The following HDAC9 variants were observed in gnomAD, a reference collection of about 807,000 sequenced individuals.
HDAC9 encodes histone deacetylase 9.
In HDAC9, 41 loss-of-function variants were observed where a neutral mutation model predicts 139.4. That is an observed-to-expected ratio of 0.29 (90% CI 0.23 to 0.38). The LOEUF (loss-of-function observed/expected upper bound fraction) is 0.38, where lower values mean the gene tolerates loss of function less well. Ranked by LOEUF, HDAC9 falls within the 10% of genes least tolerant of loss-of-function variation. The pLI, the probability that HDAC9 is intolerant of heterozygous loss-of-function variation, is 1.00. For missense variants in HDAC9, 1,147 were observed against 1,297.0 expected (o/e 0.88, Z 1.78); for synonymous variants, 517 against 476.2 (o/e 1.09, Z -1.12).
intron 1 of HDAC9, among the ~76,000 whole-genome samples, chr7:18,362,352 T>A (rs1783847212): frequency 1.3e-5 from 2 of 152,190 alleles, no homozygotes; most frequent in Non-Finnish European, 2.9e-5. Context: ...TTTTCTATTA[T>A]CTTTGTAGAA....
chr7:18,299,088 G>A (rs1013155154), intron 1 of HDAC9, among the ~76,000 whole-genome samples: 1 of 152,064 alleles, frequency 6.6e-6, no homozygotes, highest in Admixed American at 6.6e-5. Context: ...AATGAATTAA[G>A]ATGACAGTAA....
At chr7:18,600,585 T>C (rs1271494515) in intron 6 of HDAC9, among the ~76,000 whole-genome samples, 1 of 152,200 alleles carries the variant, frequency 6.6e-6, no homozygotes, top group Non-Finnish European at 1.5e-5. Context: ...GTCAAAGATA[T>C]ATTTGTGTGG....
chr7:18,379,479 C>T (rs1223762929), intron 1 of HDAC9, among the ~76,000 whole-genome samples: 1 of 152,152 alleles, frequency 6.6e-6, no homozygotes, highest in East Asian at 1.9e-4. Context: ...TTGCACTATT[C>T]TGTCTCTAAA....
chr7:18,538,510 T>C (rs994387468), intron 2 of HDAC9, among the ~76,000 whole-genome samples: 5 of 152,198 alleles, frequency 3.3e-5, no homozygotes, highest in Non-Finnish European at 7.4e-5. Flanking sequence ...TTGAATTTTA[T>C]TTTTACCCCT....
intron 21 of HDAC9, among the ~76,000 whole-genome samples, chr7:18,860,855 AG>A (rs1330139681): frequency 6.6e-6 from 1 of 152,170 alleles, no homozygotes; most frequent in Admixed American, 6.6e-5. Flanking sequence ...AAGAATCAGT[AG>A]TTCTAGTGCA....
At chr7:18,957,137 AAC>A (rs2129326375) in intron 24 of HDAC9, among the ~76,000 whole-genome samples, 1 of 152,256 alleles carries the variant, frequency 6.6e-6, no homozygotes, top group South Asian at 2.1e-4. Context: ...AAGGAAAGAA[AAC>A]ACAAGATCGG....
At chr7:18,667,246 T>C in intron 12 of HDAC9, 1 of 985,244 alleles carries the variant, frequency 1.0e-6, no homozygotes, top group Non-Finnish European at 1.2e-6. Flanking sequence ...ATGCAAATGT[T>C]AGTGAGAAGT....
intron 17 of HDAC9, among the ~76,000 whole-genome samples, chr7:18,809,445 G>A (rs987223899): frequency 6.6e-6 from 1 of 151,970 alleles, no homozygotes; most frequent in Non-Finnish European, 1.5e-5. Context: ...TATATGATAA[G>A]AGGTTAATGT....
intron 1 of HDAC9, among the ~76,000 whole-genome samples, chr7:18,091,004 T>G (rs962052628): frequency 6.6e-6 from 1 of 152,246 alleles, no homozygotes; most frequent in Non-Finnish European, 1.5e-5. Context: ...ATTATTACAC[T>G]TAACAGTGGA....
At chr7:18,724,041 T>C (rs1272344617) in intron 12 of HDAC9, among the ~76,000 whole-genome samples, 1 of 152,202 alleles carries the variant, frequency 6.6e-6, no homozygotes, top group African/African-American at 2.4e-5. Flanking sequence ...AAAATGTGCA[T>C]GCACACACCC....
At chr7:18,913,499 C>T (rs776584287) in intron 22 of HDAC9, among the ~76,000 whole-genome samples, 5 of 152,068 alleles carry the variant, frequency 3.3e-5, no homozygotes, top group Non-Finnish European at 7.4e-5. Flanking sequence ...ATTTGTTCCA[C>T]CCACCTTTAA....
rs761794004 is a variant in HDAC9 at position 18,835,550 on chromosome 7, A to G, written c.2550A>G (p.Glu850=). Residue 850 remains glutamate (E), a synonymous_variant, in exon 20 of 26, where the codon GAA becomes GAG. Transcript: ENST00000686413. ...ILYISLHRYD[E]GNFFPGSGAP... ...ACATTTCACTCCATCGCTATGATGAAGGGAACTTTTTCCCTGGCAGTGGAG... is the reference window on the plus strand; with the variant it reads ...ACATTTCACTCCATCGCTATGATGAGGGGAACTTTTTCCCTGGCAGTGGAG... 4 of 1,613,700 alleles carry G rather than the reference A, an allele frequency of 2.5e-6. No individual in the cohort carries two copies. The highest frequency in any genetic ancestry group is 3.4e-6 in the Non-Finnish European group (4 of 1,179,746).
chr7:18,800,747 T>G (rs897633842), intron 17 of HDAC9, among the ~76,000 whole-genome samples: 1 of 152,074 alleles, frequency 6.6e-6, no homozygotes, highest in African/African-American at 2.4e-5. Flanking sequence ...ATGGGAGGAT[T>G]GCTTGAGCCC....
intron 1 of HDAC9, among the ~76,000 whole-genome samples, chr7:18,120,323 C>T (rs1039607956): frequency 6.6e-6 from 1 of 152,162 alleles, no homozygotes; most frequent in African/African-American, 2.4e-5. Context: ...TCCTGCTTTA[C>T]AGCTTGTTTA....
In HDAC9 at chr7:18,947,020, AC is replaced by A. The variant is rs1238261336; in HGVS notation, c.2938-7125del. On this transcript the variant is annotated intron_variant, in intron 23 of 25. Transcript: ENST00000686413. ...GTATATATTTTGAGATTTCAAATAT[AC>A]TCTAATTCATGTGTCCAAAGAAATC... 2.2e-4 allele frequency among the ~76,000 whole-genome samples: 34 copies of A among 152,156 alleles called. No individual in the cohort carries two copies. In the East Asian group the frequency reaches 5.0e-3, roughly 22 times the overall value.
chr7:18,128,357 C>T (rs1258506113), intron 1 of HDAC9, among the ~76,000 whole-genome samples: 1 of 152,026 alleles, frequency 6.6e-6, no homozygotes. Context: ...AGTTTTGGGT[C>T]AGCTAACAGT....
intron 13 of HDAC9, among the ~76,000 whole-genome samples, chr7:18,736,037 T>C (rs775352530): frequency 1.3e-5 from 2 of 152,242 alleles, no homozygotes; most frequent in Non-Finnish European, 2.9e-5. Context: ...TCTCTGTTTG[T>C]CTGTTATTGG....
At chr7:18,478,285 A>G (rs1375758734) in intron 1 of HDAC9, among the ~76,000 whole-genome samples, 1 of 152,026 alleles carries the variant, frequency 6.6e-6, no homozygotes, top group Non-Finnish European at 1.5e-5. Context: ...GTTAGCCAGG[A>G]TGGTCTTGAT....
chr7:18,855,180 A>C lies in HDAC9; in HGVS notation c.2684+19183A>C, dbSNP rs560226035. ...CTATCACACAACCAATGAATGTCAC[A>C]GGCTGGTTTTAAGACTTCCAGCTCA... is the stretch of plus-strand genomic sequence containing the variant. On this transcript the variant is annotated intron_variant, in intron 21 of 25. Transcript: ENST00000686413. 2.0e-5 allele frequency among the ~76,000 whole-genome samples: 3 copies of C among 152,282 alleles called. No homozygotes were observed. The South Asian group carries it at 6.2e-4, about 32-fold the overall frequency.
Sources: allele counts gnomAD v4.1 joint callset (sites outside exome capture counted in the v4.1 genomes callset), GRCh38; gene constraint gnomAD v4.1.1; transcripts MANE v1.5; gene names NCBI Gene and HGNC (gene_info 2026-07-23, HGNC 2026-07-21).